Variants in BHLHE23 observed in about 807,000 individuals in gnomAD.
The protein encoded by BHLHE23 is basic helix-loop-helix family member e23.
For missense variants in BHLHE23, 401 were observed against 380.0 expected (o/e 1.06, Z -0.46); for synonymous variants, 204 against 184.4 (o/e 1.11, Z -0.86).
rs779391972 is a variant in BHLHE23, at chr20:63,006,106, G to T, written c.669C>A (p.Cys223Ter). The T allele has an allele frequency of 2.6e-6, 4 of 1,547,800 alleles. No homozygotes were observed. The highest frequency in any genetic ancestry group is 4.8e-5 in the East Asian group (2 of 41,240). ...GAALGPCPDKCAAFSGTPSAL... is the reference protein window; with the variant it reads ...GAALGPCPDK Reference sequence around the variant, plus strand: ...CGGAGGGCGTCCCGGAGAAGGCGGCGCACTTGTCAGGGCAGGGCCCCAGGG... The same window carrying T: ...CGGAGGGCGTCCCGGAGAAGGCGGCTCACTTGTCAGGGCAGGGCCCCAGGG... Residue 223 changes from cysteine to a stop codon, truncating the protein, a stop_gained, in exon 1 of 1, where the codon TGC becomes TGA. Transcript: ENST00000612929. LOFTEE classifies it low-confidence loss of function (END_TRUNC).
rs1383014930 is a variant in BHLHE23 at position 63,006,167 on chromosome 20, C to A, written c.608G>T (p.Gly203Val). ...GGAGAAGGGGCACACAGTGGCCTGG[C>A]CGAAGGGCGTCAAGGGCGCGGCGTT... ...PVNAAPLTPF[G>V]QATVCPFSAG... The change falls in exon 1 of 1, where the codon GGC (glycine) becomes GTC (valine). Residue 203 changes from glycine (G) to valine (V), a missense_variant. Transcript: ENST00000612929. The A allele has an allele frequency of 1.3e-6, 2 of 1,560,790 alleles. No homozygotes were observed. Among genetic ancestry groups the A allele is most frequent in the Non-Finnish European group, 1.7e-6 (2 of 1,155,396 alleles).
rs1032525291 is a variant in BHLHE23 at position 63,006,067 on chromosome 20, G to A, written c.708C>T (p.His236=). ...FSGTPSALCK[H]CHEKP ...CGCGCGGTCACGGCTTCTCGTGACA[G>A]TGTTTGCAAAGCGCGGAGGGCGTCC... Residue 236 remains histidine (H), a synonymous_variant, in exon 1 of 1, where the codon CAC becomes CAT. Transcript: ENST00000612929. 1 of 1,537,140 alleles carries A rather than the reference G, an allele frequency of 6.5e-7. No homozygotes were observed. The highest frequency in any genetic ancestry group is 8.7e-7 in the Non-Finnish European group (1 of 1,144,314).
Position 63,006,539 on chromosome 20 carries a change from T to TCCG in BHLHE23, c.233_235dup (p.Ala78dup). 7.7e-7 allele frequency: 1 copy of TCCG among 1,294,958 alleles called. No individual in the cohort carries two copies. The highest frequency in any genetic ancestry group is 9.7e-7 in the Non-Finnish European group (1 of 1,029,454). 80.2% of individuals were successfully genotyped at this position (1,294,958 alleles called of 1,614,324 possible). A position where few individuals can be genotyped will look rare whatever the true frequency, so the allele number is the denominator to read the frequency against. ...GTCCCCGCTCTGTTCGCCGCTGCTC[T>TCCG]CCGCCGCCTGAGCTGGGGCGCGAGG... On this transcript the variant is annotated inframe_insertion, in exon 1 of 1. Coordinates refer to ENST00000612929, the MANE Select transcript of BHLHE23 (RefSeq NM_080606.4).
At position 63,006,478 on chromosome 20, in the gene BHLHE23, G is replaced by GCGC. The variant is rs1019982118; in HGVS notation, c.294_296dup (p.Arg99dup). ...GCCCGTCCGCCGCGCTCCCTGGCCC[G>GCGC]CGCCGCCGCCGCCGCTGCTCGAAGG... On this transcript the variant is annotated inframe_insertion, in exon 1 of 1. Coordinates refer to ENST00000612929, the MANE Select transcript of BHLHE23 (RefSeq NM_080606.4). The GCGC allele has an allele frequency of 1.6e-5, 21 of 1,335,326 alleles. No homozygotes were observed. Among genetic ancestry groups the GCGC allele is most frequent in the African/African-American group, 3.1e-5 (2 of 64,526 alleles). 82.7% of individuals were successfully genotyped at this position (1,335,326 alleles called of 1,614,324 possible).
Position 63,006,798 on chromosome 20 carries a change from G to C in BHLHE23, c.-24C>G, listed in dbSNP as rs961447717. On this transcript the variant is annotated 5_prime_UTR_variant, in exon 1 of 1. Transcript: ENST00000612929. ...ATGTGGGTGAGCAGCCCCCGAGGCC[G>C]GCCCGAGCCCGCCGCTGCCGCTGCC... 2 of 1,238,938 alleles carry C rather than the reference G, an allele frequency of 1.6e-6. No individual in the cohort carries two copies. Among genetic ancestry groups the C allele is most frequent in the African/African-American group, 3.1e-5 (2 of 64,146 alleles). The allele number at this position is 1,238,938 out of a possible 1,614,324, so 76.7% of individuals were successfully genotyped here.
chr20:63,006,856 T>C lies in BHLHE23; in HGVS notation c.-82A>G, dbSNP rs566382167. 415 of 1,224,314 alleles carry C rather than the reference T, an allele frequency of 3.4e-4. 1 individual carries two copies. In the African/African-American group the frequency reaches 5.4e-3, roughly 16 times the overall value. 75.8% of individuals were successfully genotyped at this position (1,224,314 alleles called of 1,614,324 possible). A position where few individuals can be genotyped will look rare whatever the true frequency, so the allele number is the denominator to read the frequency against. On this transcript the variant is annotated 5_prime_UTR_variant, in exon 1 of 1. Transcript: ENST00000612929. ...TGAGGCTCCCGGCTCTGCGCGTCGG[T>C]CTGGCTTGCCTGCGGGTCCCAGAGC...
chr20:63,006,666 C>T lies in BHLHE23; in HGVS notation c.109G>A (p.Ala37Thr). The change falls in exon 1 of 1, where the codon GCG (alanine) becomes ACG (threonine). Residue 37 changes from alanine (A) to threonine (T), a missense_variant. By Grantham distance (58) the Ala-to-Thr change is moderately conservative. Coordinates refer to ENST00000612929, the MANE Select transcript of BHLHE23 (RefSeq NM_080606.4). ...AYLALSHGYAAAAAGLAYGAA... is the reference protein window; with the variant it reads ...AYLALSHGYATAAAGLAYGAA... The stretch of plus-strand genomic sequence containing the variant: ...CCGTAGGCGAGACCCGCAGCCGCCG[C>T]CGCGTAGCCGTGGCTTAGTGCCAGG... The T allele has an allele frequency of 7.3e-7, 1 of 1,371,706 alleles. No homozygotes were observed. The highest frequency in any genetic ancestry group is 9.4e-7 in the Non-Finnish European group (1 of 1,061,800). The allele number at this position is 1,371,706 out of a possible 1,614,324, so 85.0% of individuals were successfully genotyped here. A position where few individuals can be genotyped will look rare whatever the true frequency, so the allele number is the denominator to read the frequency against.
Position 63,006,688 on chromosome 20 carries a change from C to T in BHLHE23, c.87G>A (p.Leu29=). 3 of 1,370,010 alleles carry T rather than the reference C, an allele frequency of 2.2e-6. No individual in the cohort carries two copies. Among genetic ancestry groups the T allele is most frequent in the African/African-American group, 3.0e-5 (2 of 66,098 alleles). The allele number at this position is 1,370,010 out of a possible 1,614,324, so 84.9% of individuals were successfully genotyped here. A position where few individuals can be genotyped will look rare whatever the true frequency, so the allele number is the denominator to read the frequency against. ...CCGCCGCGTAGCCGTGGCTTAGTGC[C>T]AGGTACGCGTCCCCCGACAGCGACT... The part of the protein sequence containing the change: ...ELKSLSGDAY[L]ALSHGYAAAA... Residue 29 remains leucine, a synonymous_variant, in exon 1 of 1, where the codon CTG becomes CTA. Coordinates refer to ENST00000612929, the MANE Select transcript of BHLHE23 (RefSeq NM_080606.4).
At position 63,006,552 on chromosome 20, in the gene BHLHE23, C is replaced by G. The variant is rs2065792472; in HGVS notation, c.223G>C (p.Ala75Pro). 2 of 1,289,940 alleles carry G rather than the reference C, an allele frequency of 1.6e-6. No individual in the cohort carries two copies. The highest frequency in any genetic ancestry group is 1.6e-5 in the African/African-American group (1 of 64,092). 79.9% of individuals were successfully genotyped at this position (1,289,940 alleles called of 1,614,324 possible). ...TCGCCGCTGCTCTCCGCCGCCTGAG[C>G]TGGGGCGCGAGGTGCAGGCGCCGCG... Reference protein sequence around the residue: ...LPAAPAPRAPAQAAESSGEQS... With the variant: ...LPAAPAPRAPPQAAESSGEQS... Residue 75 changes from alanine (A) to proline (P), a missense_variant, in exon 1 of 1, where the codon GCT becomes CCT. Coordinates refer to ENST00000612929, the MANE Select transcript of BHLHE23 (RefSeq NM_080606.4).
In BHLHE23 at chr20:63,006,850, C is replaced by G; in HGVS notation, c.-76G>C. ...CTGCGATGAGGCTCCCGGCTCTGCG[C>G]GTCGGTCTGGCTTGCCTGCGGGTCC... On this transcript the variant is annotated 5_prime_UTR_variant, in exon 1 of 1. Coordinates refer to ENST00000612929, the MANE Select transcript of BHLHE23 (RefSeq NM_080606.4). The G allele has an allele frequency of 8.2e-7, 1 of 1,226,458 alleles. No individual in the cohort carries two copies. The highest frequency in any genetic ancestry group is 3.9e-5 in the South Asian group (1 of 25,394). 76.0% of individuals were successfully genotyped at this position (1,226,458 alleles called of 1,614,324 possible).
rs1334309349 is a variant in BHLHE23 at position 63,006,431 on chromosome 20, C to A, written c.344G>T (p.Arg115Leu). 6.0e-6 allele frequency: 9 copies of A among 1,493,730 alleles called. No homozygotes were observed. Among genetic ancestry groups the A allele is most frequent in the African/African-American group, 2.9e-5 (2 of 68,466 alleles). The allele number at this position is 1,493,730 out of a possible 1,614,324, so 92.5% of individuals were successfully genotyped here. Residue 115 changes from arginine to leucine, a missense_variant, in exon 1 of 1, where the codon CGG (arginine) becomes CTG (leucine). Arg to Leu is a moderately radical substitution (Grantham distance 102, BLOSUM62 -2). Transcript: ENST00000612929. Reference protein sequence around the residue: ...ADGRRRPREQRSLRLSINARE... With the variant: ...ADGRRRPREQLSLRLSINARE... Reference sequence around the variant, plus strand: ...CGCGTTGATGCTGAGCCGCAGAGACCGCTGCTCTCGCGGCCGCCGCCGCCC... The same window carrying A: ...CGCGTTGATGCTGAGCCGCAGAGACAGCTGCTCTCGCGGCCGCCGCCGCCC...
chr20:63,006,028 G>T lies in BHLHE23; in HGVS notation c.*21C>A. The T allele has an allele frequency of 1.3e-6, 2 of 1,495,938 alleles. No individual in the cohort carries two copies. Among genetic ancestry groups the T allele is most frequent in the Non-Finnish European group, 8.9e-7 (1 of 1,128,114 alleles). 92.7% of individuals were successfully genotyped at this position (1,495,938 alleles called of 1,614,324 possible). A position where few individuals can be genotyped will look rare whatever the true frequency, so the allele number is the denominator to read the frequency against. On this transcript the variant is annotated 3_prime_UTR_variant, in exon 1 of 1. Transcript: ENST00000612929. ...AGGGGCGATCGGAGGACGCGTGCGGGAGGGCCGGGGGCCCGCGCGGTCACG... is the reference window on the plus strand; with the variant it reads ...AGGGGCGATCGGAGGACGCGTGCGGTAGGGCCGGGGGCCCGCGCGGTCACG...
rs760100800 is a variant in BHLHE23, at chr20:63,006,015, A to G, written c.*34T>C. On this transcript the variant is annotated 3_prime_UTR_variant, in exon 1 of 1. Coordinates refer to ENST00000612929, the MANE Select transcript of BHLHE23 (RefSeq NM_080606.4). Reference sequence around the variant, plus strand: ...GAGAGACAGTCACAGGGGCGATCGGAGGACGCGTGCGGGAGGGCCGGGGGC... The same window carrying G: ...GAGAGACAGTCACAGGGGCGATCGGGGGACGCGTGCGGGAGGGCCGGGGGC... The G allele has an allele frequency of 4.7e-6, 7 of 1,485,348 alleles. No homozygotes were observed. The East Asian group carries it at 1.5e-4, about 32-fold the overall frequency. 92.0% of individuals were successfully genotyped at this position (1,485,348 alleles called of 1,614,324 possible).
rs767850452 is a variant in BHLHE23 at position 63,006,486 on chromosome 20, G to A, written c.289C>T (p.Arg97Trp). Reference sequence around the variant, plus strand: ...GCCGCGCTCCCTGGCCCGCGCCGCCGCCGCCGCTGCTCGAAGGCGTCGTCC... The same window carrying A: ...GCCGCGCTCCCTGGCCCGCGCCGCCACCGCCGCTGCTCGAAGGCGTCGTCC... ...DEDDAFEQRR[R>W]RRGPGSAADG... The change falls in exon 1 of 1, where the codon CGG (arginine) becomes TGG (tryptophan). Residue 97 changes from arginine (R) to tryptophan (W), a missense_variant. Coordinates refer to ENST00000612929, the MANE Select transcript of BHLHE23 (RefSeq NM_080606.4). 9.8e-6 allele frequency: 13 copies of A among 1,328,644 alleles called. No homozygotes were observed. In the South Asian group the frequency reaches 2.6e-4, roughly 26 times the overall value. 82.3% of individuals were successfully genotyped at this position (1,328,644 alleles called of 1,614,324 possible). A position where few individuals can be genotyped will look rare whatever the true frequency, so the allele number is the denominator to read the frequency against.
In BHLHE23 at chr20:63,006,316, C is replaced by T; in HGVS notation, c.459G>A (p.Lys153=). 1 of 1,611,442 alleles carries T rather than the reference C, an allele frequency of 6.2e-7. No homozygotes were observed. Among genetic ancestry groups the T allele is most frequent in the Non-Finnish European group, 8.5e-7 (1 of 1,179,716 alleles). Residue 153 remains lysine, a synonymous_variant, in exon 1 of 1, where the codon AAG becomes AAA. Transcript: ENST00000612929. ...GCAGCAGCGTGGCGATCTTGGAGAG[C>T]TTGCGCACCGACGGGCTGTGCGCGT... ...IPYAHSPSVR[K]LSKIATLLLA... is the part of the protein sequence containing the mutation.
chr20:63,006,321 G>T lies in BHLHE23; in HGVS notation c.454C>A (p.Arg152Ser), dbSNP rs781619083. ...AGCGTGGCGATCTTGGAGAGCTTGC[G>T]CACCGACGGGCTGTGCGCGTAGGGG... ...VIPYAHSPSV[R>S]KLSKIATLLL... Residue 152 changes from arginine (R) to serine (S), a missense_variant, in exon 1 of 1, where the codon CGC becomes AGC. Physicochemically the swap from Arg to Ser is moderately radical, Grantham distance 110. Coordinates refer to ENST00000612929, the MANE Select transcript of BHLHE23 (RefSeq NM_080606.4). 1.2e-6 allele frequency: 2 copies of T among 1,611,200 alleles called. No individual in the cohort carries two copies. Among genetic ancestry groups the T allele is most frequent in the African/African-American group, 2.7e-5 (2 of 74,866 alleles).
At position 63,006,735 on chromosome 20, in the gene BHLHE23, C is replaced by A; in HGVS notation, c.40G>T (p.Gly14Cys). Residue 14 changes from glycine to cysteine, a missense_variant, in exon 1 of 1, where the codon GGC becomes TGC. Transcript: ENST00000612929. ...RPPGEPPSPG[G>C]AAMAELKSLS... ...GACTTGAGCTCGGCCATGGCCGCGC[C>A]GCCTGGGCTCGGGGGCTCGCCGGGT... The A allele has an allele frequency of 7.7e-7, 1 of 1,305,708 alleles. No individual in the cohort carries two copies. The highest frequency in any genetic ancestry group is 9.7e-7 in the Non-Finnish European group (1 of 1,029,146). The allele number at this position is 1,305,708 out of a possible 1,614,324, so 80.9% of individuals were successfully genotyped here. A position where few individuals can be genotyped will look rare whatever the true frequency, so the allele number is the denominator to read the frequency against.
In BHLHE23 at chr20:63,005,950, C is replaced by T. The variant is rs1297203550; in HGVS notation, c.*99G>A. ...GGAAGCGAAGTCGGGCCCCCTCCTC[C>T]TGGTCTGCAGGGTCCCTCCAGGCCT... On this transcript the variant is annotated 3_prime_UTR_variant, in exon 1 of 1. Coordinates refer to ENST00000612929, the MANE Select transcript of BHLHE23 (RefSeq NM_080606.4). 19 of 1,408,188 alleles carry T rather than the reference C, an allele frequency of 1.3e-5. No individual in the cohort carries two copies. The highest frequency in any genetic ancestry group is 1.6e-5 in the Non-Finnish European group (17 of 1,087,648). The allele number at this position is 1,408,188 out of a possible 1,614,324, so 87.2% of individuals were successfully genotyped here.
chr20:63,006,703 C>A lies in BHLHE23; in HGVS notation c.72G>T (p.Ser24=). The change falls in exon 1 of 1, where the codon TCG becomes TCT. Residue 24 remains serine, a synonymous_variant. Transcript: ENST00000612929. ...GAAMAELKSL[S]GDAYLALSHG... ...GGCTTAGTGCCAGGTACGCGTCCCC[C>A]GACAGCGACTTGAGCTCGGCCATGG... is the stretch of plus-strand genomic sequence containing the variant. 1 of 1,364,234 alleles carries A rather than the reference C, an allele frequency of 7.3e-7. No homozygotes were observed. Among genetic ancestry groups the A allele is most frequent in the South Asian group, 1.7e-5 (1 of 58,126 alleles). The allele number at this position is 1,364,234 out of a possible 1,614,324, so 84.5% of individuals were successfully genotyped here. A position where few individuals can be genotyped will look rare whatever the true frequency, so the allele number is the denominator to read the frequency against.
Sources: gnomAD v4.1 joint callset for allele counts on GRCh38, gnomAD v4.1.1 for gene constraint, MANE v1.5 for transcripts, NCBI Gene and HGNC (gene_info 2026-07-23, HGNC 2026-07-21) for gene names.